The following STRN variants were observed in gnomAD, a reference collection of about 807,000 sequenced individuals.
STRN encodes protein phosphatase 2 regulatory subunit B'''alpha.
A neutral mutation model predicts 96.3 loss-of-function variants in STRN; 53 were observed. The ratio of observed to expected loss-of-function variants is 0.55; its 90% confidence interval spans 0.44 to 0.69. STRN has a LOEUF of 0.69. STRN is among the 30% of genes least tolerant of loss of function. The pLI is 0.00. For missense variants in STRN, 987 were observed against 963.9 expected (o/e 1.02, Z -0.32); for synonymous variants, 428 against 355.9 (o/e 1.20, Z -2.28).
intron 1 of STRN, among the ~76,000 whole-genome samples, chr2:36,964,653 T>TGG (rs1003795102): frequency 4.6e-5 from 7 of 152,204 alleles, no homozygotes; most frequent in African/African-American, 1.7e-4. Context: ...ACTCCCTAAC[T>TGG]TCATTCAGCT....
At chr2:36,947,624 A>G (rs1309309485) in intron 1 of STRN, among the ~76,000 whole-genome samples, 4 of 150,092 alleles carry the variant, frequency 2.7e-5, no homozygotes, top group Non-Finnish European at 1.5e-5. Context: ...TTCAATGTAG[A>G]ACTGTGTTCT....
chr2:36,891,591 C>A (rs1411478062), intron 7 of STRN, among the ~76,000 whole-genome samples: 1 of 152,104 alleles, frequency 6.6e-6, no homozygotes, highest in African/African-American at 2.4e-5. Flanking sequence ...GTTGAGTCTA[C>A]TTTGAATGCA....
At chr2:36,866,336 G>C (rs1347893540) in intron 12 of STRN, among the ~76,000 whole-genome samples, 2 of 152,150 alleles carry the variant, frequency 1.3e-5, no homozygotes, top group African/African-American at 2.4e-5. Context: ...AAAAGTGCTG[G>C]GATTACAAGC....
intron 5 of STRN, among the ~76,000 whole-genome samples, chr2:36,901,117 T>C (rs952116154): frequency 6.6e-6 from 1 of 152,196 alleles, no homozygotes; most frequent in Non-Finnish European, 1.5e-5. Flanking sequence ...CCTAACTCTT[T>C]ATCCCTACTG....
chr2:36,957,729 A>G (rs1177745799), intron 1 of STRN, among the ~76,000 whole-genome samples: 1 of 136,372 alleles, frequency 7.3e-6, no homozygotes, highest in Non-Finnish European at 1.6e-5. Context: ...TTAGTCTCAT[A>G]GTTCTTCTTT....
chr2:36,882,239 G>C (rs184934566), intron 9 of STRN, among the ~76,000 whole-genome samples: 51 of 152,020 alleles, frequency 3.4e-4, no homozygotes, highest in Non-Finnish European at 5.4e-4. Flanking sequence ...TTCTCAGGCT[G>C]TGTTGATCAA....
chr2:36,862,621 T>C (rs879503999), intron 12 of STRN, among the ~76,000 whole-genome samples: 3 of 152,154 alleles, frequency 2.0e-5, no homozygotes, highest in Non-Finnish European at 4.4e-5. Context: ...ATTTTTGATT[T>C]GCATTTCTGT....
At chr2:36,936,103 G>A (rs1181248575) in intron 1 of STRN, among the ~76,000 whole-genome samples, 3 of 152,032 alleles carry the variant, frequency 2.0e-5, no homozygotes, top group Admixed American at 1.3e-4. Context: ...AACTTATGAT[G>A]CCTAATCCCC....
chr2:36,869,761 C>G (rs774656598), intron 10 of STRN, 32 bp from the exon 11 acceptor site: 1 of 1,519,632 alleles, frequency 6.6e-7, no homozygotes, highest in Non-Finnish European at 8.8e-7. Flanking sequence ...GATATCTACA[C>G]ACTTAGTTAA....
Position 36,846,111 on chromosome 2 carries a change from C to T in STRN, c.*3345G>A, listed in dbSNP as rs1668068838. 1 of 150,030 alleles carries T rather than the reference C, an allele frequency of 6.7e-6. No homozygotes were observed. The highest frequency in any genetic ancestry group is 1.5e-5 in the Non-Finnish European group (1 of 67,660). 9.3% of individuals were successfully genotyped at this position (150,030 alleles called of 1,614,324 possible). ...GTTTTTGTTAAAAAGTCTGAATGTTCAATGGAAATAGTTCAGTACTGAGAA... is the reference window on the plus strand; with the variant it reads ...GTTTTTGTTAAAAAGTCTGAATGTTTAATGGAAATAGTTCAGTACTGAGAA... On this transcript the variant is annotated 3_prime_UTR_variant, in exon 18 of 18. Coordinates refer to ENST00000263918, the MANE Select transcript of STRN (RefSeq NM_003162.4).
intron 12 of STRN, among the ~76,000 whole-genome samples, chr2:36,865,543 G>A (rs1327431698): frequency 6.6e-6 from 1 of 151,898 alleles, no homozygotes; most frequent in African/African-American, 2.4e-5. Flanking sequence ...TCTTGTGTGT[G>A]ATGTTAAGTT....
intron 1 of STRN, among the ~76,000 whole-genome samples, chr2:36,933,796 G>A (rs1311360483): frequency 1.3e-5 from 2 of 152,066 alleles, no homozygotes; most frequent in East Asian, 1.9e-4. Context: ...GTTAAAAGGC[G>A]ATGACTCTAA....
chr2:36,927,530 G>A (rs1312190714), intron 1 of STRN, among the ~76,000 whole-genome samples: 1 of 146,062 alleles, frequency 6.8e-6, no homozygotes, highest in Non-Finnish European at 1.5e-5. Flanking sequence ...AAAAAGGGGG[G>A]GGGGGGTGGT....
chr2:36,892,471 G>C (rs773149282), intron 7 of STRN, among the ~76,000 whole-genome samples: 1 of 151,686 alleles, frequency 6.6e-6, no homozygotes, highest in Non-Finnish European at 1.5e-5. Flanking sequence ...TTATAAATAG[G>C]GTAATCTGTA....
rs1434895165 is a variant in STRN at position 36,905,471 on chromosome 2, A to G, written c.491+69T>C. 2.9e-6 allele frequency: 4 copies of G among 1,364,486 alleles called. No homozygotes were observed. The East Asian group carries it at 6.9e-5, about 23-fold the overall frequency. 84.5% of individuals were successfully genotyped at this position (1,364,486 alleles called of 1,614,324 possible). ...ATATTCATCTGACTTGAAAATACAC[A>G]GTAAAAATAACTTCATAAAACTGTT... On this transcript the variant is annotated intron_variant, in intron 4 of 17. Transcript: ENST00000263918.
intron 9 of STRN, among the ~76,000 whole-genome samples, chr2:36,880,337 G>T (rs1033084492): frequency 1.3e-5 from 2 of 152,190 alleles, no homozygotes; most frequent in African/African-American, 4.8e-5. Context: ...TAACTGGAAG[G>T]CTTGAGGCAG....
At chr2:36,870,569 ATGT>A (rs1212295101) in intron 10 of STRN, among the ~76,000 whole-genome samples, 1 of 152,192 alleles carries the variant, frequency 6.6e-6, no homozygotes, top group Non-Finnish European at 1.5e-5. Context: ...AGCTGTTTTA[ATGT>A]TGTAGCACAA....
intron 10 of STRN, among the ~76,000 whole-genome samples, chr2:36,877,231 TAAA>T (rs977079807): frequency 5.1e-4 from 77 of 152,306 alleles, no homozygotes; most frequent in African/African-American, 1.7e-3. Context: ...ACTAGTGTAC[TAAA>T]GAAGCAAGGC....
At chr2:36,885,600 T>C (rs1380961626) in intron 8 of STRN, among the ~76,000 whole-genome samples, 1 of 152,148 alleles carries the variant, frequency 6.6e-6, no homozygotes, top group African/African-American at 2.4e-5. Context: ...TTAACATCAA[T>C]AACAGACACT....
Sources: gnomAD v4.1 joint callset for allele counts (sites outside exome capture counted in the v4.1 genomes callset) on GRCh38, gnomAD v4.1.1 for gene constraint, MANE v1.5 for transcripts, NCBI Gene and HGNC (gene_info 2026-07-23, HGNC 2026-07-21) for gene names.